The following CCDC7 variants were observed in gnomAD, a reference collection of about 807,000 sequenced individuals.
CCDC7 encodes coiled-coil domain-containing protein 7.
Under a neutral mutation model 196.9 loss-of-function variants are expected in CCDC7, and 183 were observed. The ratio of observed to expected loss-of-function variants is 0.93; its 90% CI spans 0.82 to 1.05. The LOEUF (loss-of-function observed/expected upper bound fraction) is 1.05. Ranked by LOEUF, CCDC7 falls within the 50% of genes least tolerant of loss-of-function variation. CCDC7 has a pLI of 0.00. For synonymous variants in CCDC7, 525 were observed against 484.6 expected (o/e 1.08, Z -1.10); for missense variants, 1,540 against 1,482.2 (o/e 1.04, Z -0.64).
chr10:32,567,658 T>C lies in CCDC7; in HGVS notation c.1198-12T>C. ...GAAAATGCTTAATAAACTGGTACTT[T>C]TTTAAAAACAGGAAGCTGAAAAAGC... is the stretch of plus-strand genomic sequence containing the variant. On this transcript the variant is annotated splice_polypyrimidine_tract_variant and intron_variant, in intron 14 of 41. Transcript: ENST00000639629. 6.3e-7 allele frequency: 1 copy of C among 1,599,516 alleles called. No individual in the cohort carries two copies. The highest frequency in any genetic ancestry group is 8.5e-7 in the Non-Finnish European group (1 of 1,174,750).
At chr10:32,677,983 A>C (rs1326779375) in intron 21 of CCDC7, among the ~76,000 whole-genome samples, 1 of 151,974 alleles carries the variant, frequency 6.6e-6, no homozygotes, top group East Asian at 1.9e-4. Flanking sequence ...CTGCTTGATA[A>C]AGTCTGCTTT....
intron 22 of CCDC7, 36 bp from the exon 44 acceptor site, chr10:32,882,657 T>C (rs1056511064): frequency 1.3e-5 from 2 of 152,136 alleles, no homozygotes; most frequent in African/African-American, 4.8e-5. Flanking sequence ...TTGAATTAAA[T>C]AAAAAAATTA....
At chr10:32,527,266 C>G (rs1192691393) in intron 11 of CCDC7, among the ~76,000 whole-genome samples, 1 of 152,186 alleles carries the variant, frequency 6.6e-6, no homozygotes, top group Non-Finnish European at 1.5e-5. Flanking sequence ...TTTCTCCACC[C>G]CACATGGCTG....
chr10:32,819,726 T>A (rs550133264), intron 31 of CCDC7, among the ~76,000 whole-genome samples: 20 of 152,216 alleles, frequency 1.3e-4, no homozygotes, highest in Non-Finnish European at 2.6e-4. Context: ...CACATGATTA[T>A]CTCAATAGAT....
chr10:32,649,981 C>T (rs1045333932), intron 20 of CCDC7, among the ~76,000 whole-genome samples: 12 of 152,138 alleles, frequency 7.9e-5, no homozygotes, highest in Non-Finnish European at 1.3e-4. Context: ...GCTTCTTTGC[C>T]GTCAAGATTC....
chr10:32,610,935 C>T (rs748977124), intron 18 of CCDC7, among the ~76,000 whole-genome samples: 1 of 152,150 alleles, frequency 6.6e-6, no homozygotes, highest in South Asian at 2.1e-4. Context: ...TGAGTATATA[C>T]CCAGTAATGG....
At chr10:32,666,247 G>A (rs1249889116) in intron 21 of CCDC7, among the ~76,000 whole-genome samples, 2 of 150,016 alleles carry the variant, frequency 1.3e-5, no homozygotes, top group Non-Finnish European at 3.0e-5. Flanking sequence ...TGAAGAGAAG[G>A]TAGATTACAA....
intron 8 of CCDC7, among the ~76,000 whole-genome samples, chr10:32,480,620 A>G (rs2039795642): frequency 6.6e-6 from 1 of 152,042 alleles, no homozygotes; most frequent in South Asian, 2.1e-4. Flanking sequence ...TTTTTGACCC[A>G]TTGCTCAGGA....
chr10:32,804,520 T>A (rs1350680861), intron 29 of CCDC7, among the ~76,000 whole-genome samples: 1 of 152,158 alleles, frequency 6.6e-6, no homozygotes, highest in Non-Finnish European at 1.5e-5. Flanking sequence ...TCTGGATGAG[T>A]CAAAGTATTT....
At chr10:32,688,998 G>A in intron 22 of CCDC7, 55 bp from the exon 24 acceptor site, 1 of 1,155,286 alleles carries the variant, frequency 8.7e-7, no homozygotes, top group Non-Finnish European at 1.3e-6. Flanking sequence ...GAAATCTACA[G>A]ATTTCAAATG....
intron 21 of CCDC7, among the ~76,000 whole-genome samples, chr10:32,680,328 T>G (rs2075678133): frequency 6.6e-6 from 1 of 152,180 alleles, no homozygotes. Context: ...TCAGTGGGGT[T>G]GCACATAGAT....
At chr10:32,814,597 T>C in intron 31 of CCDC7, 144 bp downstream of exon 32, 1 of 572,160 alleles carries the variant, frequency 1.7e-6, no homozygotes, top group South Asian at 2.4e-5. Flanking sequence ...CTATAATATT[T>C]CAACTCTAGT....
chr10:32,833,145 T>C (rs1447345187), intron 32 of CCDC7, among the ~76,000 whole-genome samples: 1 of 152,108 alleles, frequency 6.6e-6, no homozygotes, highest in Admixed American at 6.6e-5. Flanking sequence ...TTTTAATATT[T>C]ATAGGTGTAA....
intron 28 of CCDC7, among the ~76,000 whole-genome samples, chr10:32,748,912 A>AT (rs1009648060): frequency 1.4e-4 from 21 of 152,068 alleles, no homozygotes; most frequent in Non-Finnish European, 1.8e-4. Flanking sequence ...ACATAAAGGG[A>AT]TTTTTTTCTC....
intron 29 of CCDC7, among the ~76,000 whole-genome samples, chr10:32,801,659 C>A (rs912166101): frequency 2.6e-5 from 4 of 152,146 alleles, no homozygotes; most frequent in Admixed American, 1.3e-4. Context: ...AGGACTTCAG[C>A]CTAATTATAG....
downstream of CCDC7, among the ~76,000 whole-genome samples, chr10:32,881,898 A>G (rs2094803302): frequency 2.0e-5 from 3 of 152,286 alleles, no homozygotes; most frequent in South Asian, 6.2e-4. Context: ...CAGAGCACAC[A>G]TTCATCATCG....
At chr10:32,560,047 T>C (rs376117265) in intron 13 of CCDC7, among the ~76,000 whole-genome samples, 2 of 152,182 alleles carry the variant, frequency 1.3e-5, no homozygotes, top group Admixed American at 6.6e-5. Context: ...GGAGCCGATG[T>C]GATCAACTGG....
chr10:32,880,429 G>T (rs368457735), downstream of CCDC7, among the ~76,000 whole-genome samples: 38 of 152,218 alleles, frequency 2.5e-4, no homozygotes, highest in East Asian at 6.9e-3. Flanking sequence ...GTTCCTTGTA[G>T]ATTCTTTATG....
intron 28 of CCDC7, among the ~76,000 whole-genome samples, chr10:32,738,876 T>C (rs926532080): frequency 3.3e-5 from 5 of 152,154 alleles, no homozygotes; most frequent in African/African-American, 9.7e-5. Flanking sequence ...TTTAAAAATA[T>C]TTTCTTCCAA....
Sources: allele counts gnomAD v4.1 joint callset (sites outside exome capture counted in the v4.1 genomes callset), GRCh38; gene constraint gnomAD v4.1.1; transcripts MANE v1.5; gene names NCBI Gene and HGNC (gene_info 2026-07-23, HGNC 2026-07-21).